The following MAPKAPK3 variants were observed in gnomAD, a reference collection of about 807,000 sequenced individuals.
MAPKAPK3 encodes MAPK activated protein kinase 3, also known as MAP kinase-activated protein kinase 3.
MAPKAPK3 carries 35 observed loss-of-function variants against 49.2 expected under a neutral mutation model. The observed-to-expected ratio is 0.71, with a 90% CI of 0.54 to 0.94. MAPKAPK3 has a LOEUF of 0.94. MAPKAPK3 is among the 40% of genes least tolerant of loss of function. The pLI is 0.00. For synonymous variants in MAPKAPK3, 178 were observed against 188.7 expected (o/e 0.94, Z 0.46); for missense variants, 398 against 493.1 (o/e 0.81, Z 1.83).
intron 2 of MAPKAPK3, among the ~76,000 whole-genome samples, chr3:50,636,636 T>C (rs536943486): frequency 2.0e-5 from 3 of 151,990 alleles, no homozygotes; most frequent in Non-Finnish European, 4.4e-5. Flanking sequence ...TATACCTCAA[T>C]AAACAAAGCA....
chr3:50,646,408 A>C lies in MAPKAPK3; in HGVS notation c.829+144A>C, dbSNP rs548515677. On this transcript the variant is annotated intron_variant, in intron 8 of 10. Coordinates refer to ENST00000621469, the MANE Select transcript of MAPKAPK3 (RefSeq NM_001243925.2). ...CTATGGGACCCTAGGCAAGTCCCCTAACCTTCTTGAGCCTCAGTTTCTACA... is the reference window on the plus strand; with the variant it reads ...CTATGGGACCCTAGGCAAGTCCCCTCACCTTCTTGAGCCTCAGTTTCTACA... 5.1e-6 allele frequency: 6 copies of C among 1,172,392 alleles called. No homozygotes were observed. The South Asian group carries it at 6.8e-5, about 13-fold the overall frequency. 72.6% of individuals were successfully genotyped at this position (1,172,392 alleles called of 1,614,324 possible).
chr3:50,634,180 T>A (rs979296461), intron 2 of MAPKAPK3, among the ~76,000 whole-genome samples: 4 of 152,180 alleles, frequency 2.6e-5, no homozygotes, highest in African/African-American at 9.6e-5. Flanking sequence ...GGAAACATCA[T>A]CTCAAATTCA....
chr3:50,611,966 T>A (rs917489605), exon 1 of MAPKAPK3: 2 of 402,904 alleles, frequency 5.0e-6, no homozygotes, highest in Non-Finnish European at 8.8e-6. Flanking sequence ...TCTGGGGCCC[T>A]GAGCAGTGAA....
At chr3:50,620,863 G>C (rs893365629) in intron 2 of MAPKAPK3, among the ~76,000 whole-genome samples, 8 of 152,292 alleles carry the variant, frequency 5.3e-5, no homozygotes, top group African/African-American at 1.7e-4. Context: ...TGCTTCTCCT[G>C]CTGACCTCTT....
chr3:50,647,933 T>C lies in MAPKAPK3; in HGVS notation c.1036T>C (p.Tyr346His), dbSNP rs201584585. The C allele has an allele frequency of 3.1e-6, 5 of 1,613,888 alleles. No individual in the cohort carries two copies. The highest frequency in any genetic ancestry group is 4.2e-6 in the Non-Finnish European group (5 of 1,179,992). The change falls in exon 11 of 11, where the codon TAC (tyrosine) becomes CAC (histidine). Residue 346 changes from tyrosine to histidine, a missense_variant. Transcript: ENST00000621469. ...TSALATMRVD[Y>H]DQVKIKDLKT... The stretch of plus-strand genomic sequence containing the variant: ...TGCCTTGGCCACTATGCGGGTAGAC[T>C]ACGACCAGGTGAAGATCAAGGACCT...
At chr3:50,636,170 G>T (rs987231460) in intron 2 of MAPKAPK3, among the ~76,000 whole-genome samples, 16 of 152,176 alleles carry the variant, frequency 1.1e-4, no homozygotes, top group Admixed American at 7.2e-4. Context: ...CCGTATCCCA[G>T]TACTGGGACC....
intron 2 of MAPKAPK3, among the ~76,000 whole-genome samples, chr3:50,626,610 G>T (rs2032751928): frequency 6.6e-6 from 1 of 152,212 alleles, no homozygotes; most frequent in South Asian, 2.1e-4. Flanking sequence ...ACTGGCAGGT[G>T]TTCTCCGTGC....
chr3:50,634,104 G>T (rs1374660001), intron 2 of MAPKAPK3, among the ~76,000 whole-genome samples: 1 of 152,222 alleles, frequency 6.6e-6, no homozygotes, highest in Non-Finnish European at 1.5e-5. Flanking sequence ...GGCAAAGGAG[G>T]ATGAGGGGAG....
In MAPKAPK3 at chr3:50,640,373, A is replaced by G. The variant is rs141282634; in HGVS notation, c.227A>G (p.Tyr76Cys). ...ATGTGCACCCACCTACAGCTCCTGTATGACAGCCCCAAGGCCCGGCAGGAG... is the reference window on the plus strand; with the variant it reads ...ATGTGCACCCACCTACAGCTCCTGTGTGACAGCCCCAAGGCCCGGCAGGAG... ...TGQKCALKLL[Y>C]DSPKARQEVD... The change falls in exon 3 of 11, where the codon TAT becomes TGT. Residue 76 changes from tyrosine (Y) to cysteine (C), a missense_variant. Tyr to Cys is a radical substitution (Grantham distance 194). Transcript: ENST00000621469. The G allele has an allele frequency of 1.9e-6, 3 of 1,613,710 alleles. No individual in the cohort carries two copies. Among genetic ancestry groups the G allele is most frequent in the Admixed American group, 1.7e-5 (1 of 59,962 alleles).
chr3:50,642,198 T>TG, intron 4 of MAPKAPK3, 55 bp from the exon 5 acceptor site: 1 of 1,162,658 alleles, frequency 8.6e-7, no homozygotes, highest in East Asian at 2.3e-5. Flanking sequence ...GATGATAGGG[T>TG]GGGGGCTTGA....
intron 2 of MAPKAPK3, among the ~76,000 whole-genome samples, chr3:50,625,404 C>T (rs1451865906): frequency 6.6e-6 from 1 of 152,146 alleles, no homozygotes; most frequent in Non-Finnish European, 1.5e-5. Context: ...TCCTCCCCAC[C>T]CTCCTGCCCG....
intron 2 of MAPKAPK3, 36 bp from the exon 3 acceptor site, chr3:50,640,330 C>T: frequency 1.3e-6 from 2 of 1,597,630 alleles, no homozygotes; most frequent in South Asian, 1.1e-5. Flanking sequence ...GTAGAGGGCT[C>T]TGAGCCTGAC....
chr3:50,618,950 A>C (rs1337140404), intron 2 of MAPKAPK3, among the ~76,000 whole-genome samples: 1 of 152,146 alleles, frequency 6.6e-6, no homozygotes, highest in African/African-American at 2.4e-5. Flanking sequence ...TGGCCTCCCA[A>C]AGTGCTGGGA....
chr3:50,646,399 AAGTCCCCTAACCTTCTTGAGCCTC>A lies in MAPKAPK3; in HGVS notation c.829+139_829+162del, dbSNP rs1195956934. ...TCTTTCCAGCTATGGGACCCTAGGC[AAGTCCCCTAACCTTCTTGAGCCTC>A]AGTTTCTACATCTGCCAAACAGGCT... On this transcript the variant is annotated intron_variant, in intron 8 of 10. Coordinates refer to ENST00000621469, the MANE Select transcript of MAPKAPK3 (RefSeq NM_001243925.2). The A allele has an allele frequency of 7.2e-6, 9 of 1,253,838 alleles. No homozygotes were observed. The African/African-American group carries it at 9.1e-5, about 13-fold the overall frequency. The allele number at this position is 1,253,838 out of a possible 1,614,324, so 77.7% of individuals were successfully genotyped here.
At chr3:50,622,197 A>C (rs2032626115) in intron 2 of MAPKAPK3, among the ~76,000 whole-genome samples, 1 of 152,188 alleles carries the variant, frequency 6.6e-6, no homozygotes, top group African/African-American at 2.4e-5. Context: ...CTCCTGACAG[A>C]TGGGAAACTA....
intron 2 of MAPKAPK3, among the ~76,000 whole-genome samples, chr3:50,628,145 T>A (rs1576002130): frequency 6.6e-6 from 1 of 152,168 alleles, no homozygotes; most frequent in African/African-American, 2.4e-5. Context: ...AGACCAGCTG[T>A]CATTCTTCTG....
intron 2 of MAPKAPK3, among the ~76,000 whole-genome samples, chr3:50,630,153 G>C (rs1212630681): frequency 6.6e-6 from 1 of 152,214 alleles, no homozygotes; most frequent in African/African-American, 2.4e-5. Context: ...GTTCTGCCAG[G>C]TTCTGGTTCT....
intron 2 of MAPKAPK3, among the ~76,000 whole-genome samples, chr3:50,629,017 T>C (rs1405424681): frequency 6.6e-6 from 1 of 152,130 alleles, no homozygotes; most frequent in African/African-American, 2.4e-5. Context: ...TGACCAAGCT[T>C]GAGAGCTGGG....
rs574974379 is a variant in MAPKAPK3 at position 50,648,130 on chromosome 3, G to A, written c.*84G>A. 254 of 1,376,256 alleles carry A rather than the reference G, an allele frequency of 1.8e-4. 1 individual carries two copies. In the South Asian group the frequency reaches 2.9e-3, roughly 16 times the overall value. 85.3% of individuals were successfully genotyped at this position (1,376,256 alleles called of 1,614,324 possible). On this transcript the variant is annotated 3_prime_UTR_variant, in exon 11 of 11. Coordinates refer to ENST00000621469, the MANE Select transcript of MAPKAPK3 (RefSeq NM_001243925.2). ...CAGGCCCTGGCCAGGAGGGCCCAGG[G>A]TCATTCTTTTAACAAAAGGATTATT...
Sources: gnomAD v4.1 joint callset for allele counts (sites outside exome capture counted in the v4.1 genomes callset) on GRCh38, gnomAD v4.1.1 for gene constraint, MANE v1.5 for transcripts, NCBI Gene and HGNC (gene_info 2026-07-23, HGNC 2026-07-21) for gene names.